The following SLC29A4 variants were observed in gnomAD, a reference collection of about 807,000 sequenced individuals.
SLC29A4 encodes solute carrier family 29 member 4.
In SLC29A4, 36 loss-of-function variants were observed where a neutral mutation model predicts 43.9. The observed-to-expected ratio is 0.82, with a 90% CI of 0.63 to 1.08. The LOEUF (loss-of-function observed/expected upper bound fraction) is 1.08. Ranked by LOEUF, SLC29A4 falls within the 50% of genes least tolerant of loss-of-function variation. The probability of loss-of-function intolerance (pLI) is 0.00; values close to 1 mark genes in which losing one functional copy is unlikely to be tolerated. For missense variants in SLC29A4, 869 were observed against 755.3 expected, an observed-to-expected ratio of 1.15 and a Z score of -1.77; for synonymous variants, 491 against 338.0, an observed-to-expected ratio of 1.45 and a Z score of -4.97.
At chr7:5,294,305 A>C (rs1229535772) in intron 5 of SLC29A4, among the ~76,000 whole-genome samples, 1 of 152,148 alleles carries the variant, frequency 6.6e-6, no homozygotes, top group Non-Finnish European at 1.5e-5. Context: ...TGGATTTGCT[A>C]GACTCCAAGG....
intron 1 of SLC29A4, among the ~76,000 whole-genome samples, chr7:5,287,417 GAAAAAAAAA>G (rs199755250): frequency 2.3e-4 from 28 of 121,516 alleles, no homozygotes; most frequent in Admixed American, 6.2e-4. Context: ...GACCCTGTCT[GAAAAAAAAA>G]AAAAAAGAAA....
At chr7:5,288,499 T>A (rs1583651515) in intron 2 of SLC29A4, among the ~76,000 whole-genome samples, 1 of 151,300 alleles carries the variant, frequency 6.6e-6, no homozygotes, top group African/African-American at 2.4e-5. Context: ...AGAGACGGGG[T>A]TTCACCGTGG....
Position 5,291,022 on chromosome 7 carries a change from C to T in SLC29A4, c.302-102C>T, listed in dbSNP as rs1429800730. 37 of 1,532,096 alleles carry T rather than the reference C, an allele frequency of 2.4e-5. No individual in the cohort carries two copies. The South Asian group carries it at 3.3e-4, about 14-fold the overall frequency. 94.9% of individuals were successfully genotyped at this position (1,532,096 alleles called of 1,614,324 possible). ...TGAGTGACCTCAGGGCAGCCACTCACCCTCTGTGGGCAGCGAGCCCCTTCT... is the reference window on the plus strand; with the variant it reads ...TGAGTGACCTCAGGGCAGCCACTCATCCTCTGTGGGCAGCGAGCCCCTTCT... On this transcript the variant is annotated intron_variant, in intron 3 of 10. Transcript: ENST00000396872.
chr7:5,283,482 G>A (rs190847541), intron 1 of SLC29A4, among the ~76,000 whole-genome samples: 2,113 of 151,928 alleles, frequency 0.014, 28 homozygotes, highest in African/African-American at 0.027. Flanking sequence ...GGGTCACCTC[G>A]GGACGGCCCA....
chr7:5,291,493 C>T (rs528550093), intron 4 of SLC29A4, among the ~76,000 whole-genome samples, 200 bp from the exon 5 acceptor site: 4 of 152,368 alleles, frequency 2.6e-5, no homozygotes, highest in East Asian at 3.9e-4. Flanking sequence ...CGGCAACATC[C>T]AGCTTCAAGG....
rs892500965 is a variant in SLC29A4 at position 5,299,341 on chromosome 7, G to A, written c.1123G>A (p.Glu375Lys). 33 of 1,611,966 alleles carry A rather than the reference G, an allele frequency of 2.0e-5. No individual in the cohort carries two copies. The highest frequency in any genetic ancestry group is 2.5e-5 in the Non-Finnish European group (30 of 1,179,868). Residue 375 changes from glutamate to lysine, a missense_variant, in exon 9 of 11, where the codon GAG (glutamate) becomes AAG (lysine). Physicochemically the swap from Glu to Lys is moderately conservative, Grantham distance 56. Transcript: ENST00000396872. ...CACGCTGTGCCTGTTCCCCGGCCTC[G>A]AGTCTGAGATCCGCCACTGCATCCT... ...FITLCLFPGL[E>K]SEIRHCILGE...
rs1785542438 is a variant in SLC29A4, at chr7:5,294,858, A to T, written c.545-2A>T. 1 of 1,593,218 alleles carries T rather than the reference A, an allele frequency of 6.3e-7. No individual in the cohort carries two copies. The highest frequency in any genetic ancestry group is 1.4e-5 in the African/African-American group (1 of 71,596). On this transcript the variant is annotated splice_acceptor_variant, in intron 5 of 10. Transcript: ENST00000396872. LOFTEE classifies it high-confidence loss of function. ...GGGTTGTTCCTCTCTCTCTCTCTTA[A>T]GTGCAGCAATCCAGCTTCTACGGGT...
chr7:5,300,551 G>T lies in SLC29A4; in HGVS notation c.1339G>T (p.Ala447Ser). The T allele has an allele frequency of 6.2e-7, 1 of 1,612,284 alleles. No individual in the cohort carries two copies. The highest frequency in any genetic ancestry group is 8.5e-7 in the Non-Finnish European group (1 of 1,179,730). Residue 447 changes from alanine (A) to serine (S), a missense_variant, in exon 10 of 11, where the codon GCC becomes TCC. Transcript: ENST00000396872. ...CGGCATGCCCGCCCTCCGTCACCCC[G>T]CCTGGCCCTGCATCTTCTCACTGCT... ...PSGMPALRHP[A>S]WPCIFSLLMG...
In SLC29A4 at chr7:5,283,596, C is replaced by T. The variant is rs534818532; in HGVS notation, c.-9+514C>T. Among the ~76,000 whole-genome samples, 51 of 152,262 alleles carry T rather than the reference C, an allele frequency of 3.3e-4. No homozygotes were observed. The South Asian group carries it at 0.01, about 30-fold the overall frequency. ...GCGCGGCGACCCGGGCCGGGGAGGG[C>T]GGTGGGCCCGGGGGGCCAGCCTGTG... On this transcript the variant is annotated intron_variant, in intron 1 of 10. Transcript: ENST00000396872.
chr7:5,300,604 C>T lies in SLC29A4; in HGVS notation c.1392C>T (p.Gly464=). Residue 464 remains glycine (G), a synonymous_variant, in exon 10 of 11, where the codon GGC becomes GGT. Transcript: ENST00000396872. ...LLMGISNGYF[G]SVPMILAAGK... ...TGGGCATCAGCAACGGCTACTTCGGCAGCGTGCCCATGATCCTGGCGGCAG... is the reference window on the plus strand; with the variant it reads ...TGGGCATCAGCAACGGCTACTTCGGTAGCGTGCCCATGATCCTGGCGGCAG... 2 of 1,610,942 alleles carry T rather than the reference C, an allele frequency of 1.2e-6. No homozygotes were observed. The highest frequency in any genetic ancestry group is 1.7e-6 in the Non-Finnish European group (2 of 1,178,820).
chr7:5,299,749 C>T (rs972469314), intron 9 of SLC29A4, among the ~76,000 whole-genome samples: 2 of 152,146 alleles, frequency 1.3e-5, no homozygotes, highest in Non-Finnish European at 2.9e-5. Context: ...CAGGGACACT[C>T]AGAAATGGCT....
chr7:5,284,483 C>T (rs1224831868), intron 1 of SLC29A4, among the ~76,000 whole-genome samples: 1 of 152,230 alleles, frequency 6.6e-6, no homozygotes, highest in Admixed American at 6.5e-5. Flanking sequence ...TCAAGGGCCC[C>T]CTGGGTCAGG....
At chr7:5,297,228 TTCTCTGTCCC>T in intron 7 of SLC29A4, 30 bp downstream of exon 7, 2 of 318,320 alleles carry the variant, frequency 6.3e-6, no homozygotes, top group African/African-American at 9.3e-5. Flanking sequence ...CTCTGTTCCC[TTCTCTGTCCC>T]CTTCTCTGTC....
chr7:5,302,716 C>T, intron 10 of SLC29A4, 81 bp from the exon 11 acceptor site: 3 of 1,399,254 alleles, frequency 2.1e-6, no homozygotes, highest in Non-Finnish European at 2.9e-6. Context: ...AGGCGGGTGT[C>T]ACCGCACCTC....
chr7:5,299,568 C>T (rs1256069830), intron 9 of SLC29A4, 141 bp downstream of exon 9: 14 of 961,882 alleles, frequency 1.5e-5, no homozygotes, highest in African/African-American at 6.6e-5. Flanking sequence ...TGCAGTGGCG[C>T]CATCCTGGAC....
intron 1 of SLC29A4, among the ~76,000 whole-genome samples, chr7:5,285,425 C>T (rs1439853636): frequency 6.6e-6 from 1 of 152,222 alleles, no homozygotes; most frequent in African/African-American, 2.4e-5. Context: ...CAATTACCTG[C>T]GTTGGCCCCC....
chr7:5,297,470 G>C (rs1785789744), intron 7 of SLC29A4, among the ~76,000 whole-genome samples: 1 of 152,228 alleles, frequency 6.6e-6, no homozygotes, highest in South Asian at 2.1e-4. Flanking sequence ...CCACGGCGTG[G>C]GGCGTGCATG....
chr7:5,287,424 A>G (rs533227112), intron 1 of SLC29A4, among the ~76,000 whole-genome samples: 16 of 151,096 alleles, frequency 1.1e-4, no homozygotes, highest in East Asian at 1.9e-4. Context: ...TCTGAAAAAA[A>G]AAAAAAAAGA....
intron 10 of SLC29A4, among the ~76,000 whole-genome samples, chr7:5,301,884 C>T (rs554749063): frequency 3.9e-5 from 6 of 152,278 alleles, no homozygotes; most frequent in African/African-American, 7.2e-5. Context: ...GGACTTGGTA[C>T]GTTCCAGGTG....
Sources: gnomAD v4.1 joint callset for allele counts (sites outside exome capture counted in the v4.1 genomes callset) on GRCh38, gnomAD v4.1.1 for gene constraint, MANE v1.5 for transcripts, NCBI Gene and HGNC (gene_info 2026-07-23, HGNC 2026-07-21) for gene names.